The following UNC13C variants were observed in gnomAD, a reference collection of about 807,000 sequenced individuals.
UNC13C encodes the protein unc-13 homolog C, also known as protein unc-13 homolog C.
In UNC13C, 174 loss-of-function variants were observed where a neutral mutation model predicts 245.4. The observed-to-expected ratio is 0.71, with a 90% CI of 0.63 to 0.80. The LOEUF is 0.80. Among genes scored for constraint, UNC13C ranks in the 30% least tolerant of loss-of-function variants. UNC13C has a pLI of 0.00. For synonymous variants in UNC13C, 992 were observed against 895.1 expected, an observed-to-expected ratio of 1.11 and a Z score of -1.93; for missense variants, 2,829 against 2,602.9, an observed-to-expected ratio of 1.09 and a Z score of -1.89.
intron 19 of UNC13C, among the ~76,000 whole-genome samples, chr15:54,423,152 G>A (rs8025599): frequency 0.16 from 23,893 of 151,130 alleles, 1,905 homozygotes; most frequent in East Asian, 0.18. Flanking sequence ...TATAATTTAT[G>A]TATATATATT....
intron 23 of UNC13C, among the ~76,000 whole-genome samples, chr15:54,509,580 A>C (rs1342165139): frequency 2.6e-5 from 4 of 152,144 alleles, no homozygotes; most frequent in African/African-American, 9.7e-5. Context: ...TCAAGATATA[A>C]AAATAGGAAG....
chr15:53,859,545 C>A, the UNC13C span, among the ~76,000 whole-genome samples: 2 of 151,346 alleles, frequency 1.3e-5, no homozygotes, highest in African/African-American at 2.4e-5. Flanking sequence ...TATTAAACAC[C>A]AAAAAAAGAA....
chr15:54,629,662 A>ATGTT (rs987460506), downstream of UNC13C: 16 of 152,306 alleles, frequency 1.1e-4, no homozygotes, highest in Admixed American at 2.6e-4. Flanking sequence ...TTCTAGATTT[A>ATGTT]TGTTATAAAT....
chr15:54,616,311 T>C (rs1416202514), intron 30 of UNC13C, among the ~76,000 whole-genome samples: 3 of 152,026 alleles, frequency 2.0e-5, no homozygotes, highest in African/African-American at 7.2e-5. Context: ...GTGGAGTTTG[T>C]GACATATACC....
In UNC13C at chr15:54,234,944, C is replaced by G. The variant is rs533254095; in HGVS notation, c.3072-86C>G. ...TATGGTATCCAGGTCATCTTTTTCA[C>G]AGACTTTATACCATGAACAGTGGAT... is the stretch of plus-strand genomic sequence containing the variant. On this transcript the variant is annotated intron_variant, in intron 4 of 32. Coordinates refer to ENST00000260323, the MANE Select transcript of UNC13C (RefSeq NM_001080534.3). The G allele has an allele frequency of 1.0e-4, 119 of 1,185,534 alleles. No homozygotes were observed. In the South Asian group the frequency reaches 1.5e-3, roughly 15 times the overall value. 73.4% of individuals were successfully genotyped at this position (1,185,534 alleles called of 1,614,324 possible). A position where few individuals can be genotyped will look rare whatever the true frequency, so the allele number is the denominator to read the frequency against.
chr15:53,841,164 G>C, the UNC13C span, among the ~76,000 whole-genome samples: 3 of 151,858 alleles, frequency 2.0e-5, no homozygotes, highest in Non-Finnish European at 4.4e-5. Flanking sequence ...TAGAAAATTG[G>C]GGAATTACAG....
rs117787473 is a variant in UNC13C at position 54,393,626 on chromosome 15, C to A, written c.4847+445C>A. 4.3e-3 allele frequency among the ~76,000 whole-genome samples: 647 copies of A among 151,952 alleles called. 30 individuals are homozygous for A. In the East Asian group the frequency reaches 0.09, roughly 21 times the overall value. ...CATATTGATTTAACAAATTTAATAACATATTTAATAAAACAAGTTGATTTT... is the reference window on the plus strand; with the variant it reads ...CATATTGATTTAACAAATTTAATAAAATATTTAATAAAACAAGTTGATTTT... On this transcript the variant is annotated intron_variant, in intron 18 of 32. Coordinates refer to ENST00000260323, the MANE Select transcript of UNC13C (RefSeq NM_001080534.3).
chr15:53,990,757 T>C (rs923178924), intron 1 of UNC13C, among the ~76,000 whole-genome samples: 4 of 151,988 alleles, frequency 2.6e-5, no homozygotes, highest in African/African-American at 9.7e-5. Flanking sequence ...CTTAACTGGG[T>C]GACGATGTAT....
chr15:54,058,682 C>A (rs1183598572), intron 2 of UNC13C, among the ~76,000 whole-genome samples: 1 of 152,174 alleles, frequency 6.6e-6, no homozygotes, highest in Admixed American at 6.6e-5. Context: ...AGACCAATAT[C>A]CTTGATGAAC....
At chr15:54,143,237 G>A (rs2032105880) in intron 3 of UNC13C, among the ~76,000 whole-genome samples, 197 bp downstream of exon 3, 1 of 152,142 alleles carries the variant, frequency 6.6e-6, no homozygotes. Context: ...CTTGCCAGCT[G>A]CGCTTACCTT....
chr15:54,350,940 A>G (rs1596266695), intron 17 of UNC13C, among the ~76,000 whole-genome samples: 1 of 152,228 alleles, frequency 6.6e-6, no homozygotes, highest in East Asian at 1.9e-4. Context: ...TGTTTGGAAC[A>G]TATAATATTT....
chr15:54,297,829 C>T lies in UNC13C; in HGVS notation c.4007C>T (p.Ser1336Leu). ...WYNLEKRTDK[S>L]AVSGAIRLKI... Reference sequence around the variant, plus strand: ...TTATCAGAGAAAAGGACAGATAAGTCAGCTGTATCTGGGGCCATACGATTG... The same window carrying T: ...TTATCAGAGAAAAGGACAGATAAGTTAGCTGTATCTGGGGCCATACGATTG... The change falls in exon 12 of 33, where the codon TCA (serine) becomes TTA (leucine). Residue 1336 changes from serine to leucine, a missense_variant. By Grantham distance (145) the Ser-to-Leu change is moderately radical. Transcript: ENST00000260323. The T allele has an allele frequency of 6.2e-7, 1 of 1,608,564 alleles. No homozygotes were observed. Among genetic ancestry groups the T allele is most frequent in the South Asian group, 1.1e-5 (1 of 89,520 alleles).
At chr15:53,860,455 A>T in the UNC13C span, among the ~76,000 whole-genome samples, 2 of 152,084 alleles carry the variant, frequency 1.3e-5, no homozygotes, top group Admixed American at 6.6e-5. Flanking sequence ...TGGTCATGCA[A>T]CCCCTATTTA....
At chr15:54,468,603 C>G (rs1892300238) in intron 19 of UNC13C, among the ~76,000 whole-genome samples, 1 of 151,598 alleles carries the variant, frequency 6.6e-6, no homozygotes, top group Non-Finnish European at 1.5e-5. Flanking sequence ...AGTCTTTAAT[C>G]TATTTTGAGA....
At chr15:54,524,273 T>A (rs951495129) in intron 24 of UNC13C, among the ~76,000 whole-genome samples, 1 of 151,820 alleles carries the variant, frequency 6.6e-6, no homozygotes, top group Non-Finnish European at 1.5e-5. Context: ...TCTCTATCTG[T>A]TATGGTAGCC....
intron 13 of UNC13C, among the ~76,000 whole-genome samples, chr15:54,307,601 T>A (rs2037760290): frequency 6.6e-6 from 1 of 151,924 alleles, no homozygotes; most frequent in South Asian, 2.1e-4. Context: ...GCATGGGGGC[T>A]ATAAGGGCAT....
At chr15:53,858,389 T>G in the UNC13C span, among the ~76,000 whole-genome samples, 1 of 151,964 alleles carries the variant, frequency 6.6e-6, no homozygotes, top group Non-Finnish European at 1.5e-5. Flanking sequence ...TATCTCATTT[T>G]CTCCTCATAA....
At chr15:54,157,524 G>T (rs1408650749) in intron 4 of UNC13C, among the ~76,000 whole-genome samples, 1 of 152,106 alleles carries the variant, frequency 6.6e-6, no homozygotes. Context: ...TGGAACTGGG[G>T]AGTTTCTTAG....
chr15:54,321,410 G>A lies in UNC13C; in HGVS notation c.4269-529G>A, dbSNP rs942446552. 2.3e-4 allele frequency: 113 copies of A among 495,222 alleles called. 5 individuals carry two copies. Among genetic ancestry groups the A allele is most frequent in the South Asian group, 1.7e-3 (113 of 67,624 alleles). 30.7% of individuals were successfully genotyped at this position (495,222 alleles called of 1,614,324 possible). ...CTGGTCTTTGAGAATCTTCTCTTGA[G>A]ACAGCTCTCTTTGTTTCCACAACTC... On this transcript the variant is annotated intron_variant, in intron 13 of 32. Coordinates refer to ENST00000260323, the MANE Select transcript of UNC13C (RefSeq NM_001080534.3).
Sources: gnomAD v4.1 joint callset for allele counts (sites outside exome capture counted in the v4.1 genomes callset) on GRCh38, gnomAD v4.1.1 for gene constraint, MANE v1.5 for transcripts, NCBI Gene and HGNC (gene_info 2026-07-23, HGNC 2026-07-21) for gene names.